The following INSRR variants were observed in gnomAD, a reference collection of about 807,000 sequenced individuals.
INSRR encodes insulin receptor-related protein.
INSRR carries 114 observed loss-of-function variants against 130.0 expected under a neutral mutation model. The observed-to-expected ratio is 0.88, with a 90% CI of 0.75 to 1.02. The LOEUF (loss-of-function observed/expected upper bound fraction) is 1.02. Among genes scored for constraint, INSRR ranks in the 50% least tolerant of loss-of-function variants. The pLI is 0.00. For synonymous variants in INSRR, 674 were observed against 705.2 expected (o/e 0.96, Z 0.70); for missense variants, 1,657 against 1,735.2 (o/e 0.95, Z 0.80).
chr1:156,854,441 G>A lies in INSRR; in HGVS notation c.86-138C>T. ...CGGGCTCTGCTCTGGGTGTGGGGTG[G>A]CCTCCTTCCTGGGCCCCGGAGGGCT... On this transcript the variant is annotated intron_variant, in intron 1 of 21. Coordinates refer to ENST00000368195, the MANE Select transcript of INSRR (RefSeq NM_014215.3). This position sits in a 1 kb window ranked among gnomAD's most constrained non-coding sequence, Gnocchi z 4.2. 2.1e-6 allele frequency: 2 copies of A among 950,236 alleles called. No homozygotes were observed. Among genetic ancestry groups the A allele is most frequent in the Non-Finnish European group, 3.1e-6 (2 of 654,084 alleles). The allele number at this position is 950,236 out of a possible 1,614,324, so 58.9% of individuals were successfully genotyped here. A position where few individuals can be genotyped will look rare whatever the true frequency, so the allele number is the denominator to read the frequency against.
chr1:156,854,209 C>G lies in INSRR; in HGVS notation c.180G>C (p.Met60Ile), dbSNP rs1450192805. 1.9e-6 allele frequency: 3 copies of G among 1,614,070 alleles called. No homozygotes were observed. The Admixed American group carries it at 5.0e-5, about 27-fold the overall frequency. Residue 60 changes from methionine (M) to isoleucine (I), a missense_variant, in exon 2 of 22, where the codon ATG becomes ATC. Coordinates refer to ENST00000368195, the MANE Select transcript of INSRR (RefSeq NM_014215.3). This position sits in a 1 kb window ranked among gnomAD's most constrained non-coding sequence, Gnocchi z 4.2. ...GGAAGTCCTCCCCGGTGGCTGTGAACATGAGCAGGATCTGCAGGTGGCCCT... is the reference window on the plus strand; with the variant it reads ...GGAAGTCCTCCCCGGTGGCTGTGAAGATGAGCAGGATCTGCAGGTGGCCCT... ...VVEGHLQILL[M>I]FTATGEDFRG...
chr1:156,840,984 G>A lies in INSRR; in HGVS notation c.3783C>T (p.Tyr1261=). The A allele has an allele frequency of 6.2e-7, 1 of 1,613,542 alleles. No individual in the cohort carries two copies. Among genetic ancestry groups the A allele is most frequent in the Non-Finnish European group, 8.5e-7 (1 of 1,179,798 alleles). ...CCCGGGCCCCCCGGCATTCCGGGCT[G>A]TAGTAGAAGGAGAGGAGGCGGAAGG... is the stretch of plus-strand genomic sequence containing the variant. ...RPSFRLLSFY[Y]SPECRGARGS... is the part of the protein sequence containing the mutation. Residue 1261 remains tyrosine, a synonymous_variant, in exon 22 of 22, where the codon TAC becomes TAT. Coordinates refer to ENST00000368195, the MANE Select transcript of INSRR (RefSeq NM_014215.3).
chr1:156,843,997 C>T (rs190611350), intron 15 of INSRR, among the ~76,000 whole-genome samples, 178 bp downstream of exon 15: 125 of 152,300 alleles, frequency 8.2e-4, no homozygotes, highest in Admixed American at 2.6e-3. Flanking sequence ...CCAGGCTAAC[C>T]GGGATGAGTT....
chr1:156,854,263 A>G lies in INSRR; in HGVS notation c.126T>C (p.Leu42=). 1 of 1,613,536 alleles carries G rather than the reference A, an allele frequency of 6.2e-7. No homozygotes were observed. The highest frequency in any genetic ancestry group is 8.5e-7 in the Non-Finnish European group (1 of 1,179,932). Residue 42 remains leucine (L), a synonymous_variant, in exon 2 of 22, where the codon CTT becomes CTC. Transcript: ENST00000368195. This position sits in a 1 kb window ranked among gnomAD's most constrained non-coding sequence, Gnocchi z 4.2. The part of the protein sequence containing the change: ...SLDIRSEVAE[L]RQLENCSVVE... ...CCACGCTGCAGTTCTCCAGCTGACGAAGCTCTGCCACCTCTGAGCGAATAT... is the reference window on the plus strand; with the variant it reads ...CCACGCTGCAGTTCTCCAGCTGACGGAGCTCTGCCACCTCTGAGCGAATAT...
intron 7 of INSRR, among the ~76,000 whole-genome samples, chr1:156,848,436 A>G (rs1655085715): frequency 6.6e-6 from 1 of 152,050 alleles, no homozygotes; most frequent in Non-Finnish European, 1.5e-5. Flanking sequence ...TGGTCTAACC[A>G]CTATCCTCAT....
Position 156,851,746 on chromosome 1 carries a change from G to A in INSRR, c.984C>T (p.Cys328=). The A allele has an allele frequency of 6.2e-7, 1 of 1,614,104 alleles. No homozygotes were observed. The highest frequency in any genetic ancestry group is 8.5e-7 in the Non-Finnish European group (1 of 1,179,974). The change falls in exon 4 of 22, where the codon TGC becomes TGT. Residue 328 remains cysteine (C), a synonymous_variant. Coordinates refer to ENST00000368195, the MANE Select transcript of INSRR (RefSeq NM_014215.3). ...HKCEGLCPKE[C]KVGTKTIDSI... ...AGTCGATGGTCTTGGTGCCTACCTTGCACTCTTTAGGGCACAGCCCCTCGC... is the reference window on the plus strand; with the variant it reads ...AGTCGATGGTCTTGGTGCCTACCTTACACTCTTTAGGGCACAGCCCCTCGC...
At chr1:156,841,987 G>T in intron 19 of INSRR, 125 bp downstream of exon 19, 3 of 1,557,052 alleles carry the variant, frequency 1.9e-6, no homozygotes, top group Non-Finnish European at 2.6e-6. Flanking sequence ...TAAGATACAG[G>T]GTGGGGGTGA....
chr1:156,851,527 C>T, intron 4 of INSRR, 93 bp from the exon 5 acceptor site: 1 of 1,603,118 alleles, frequency 6.2e-7, no homozygotes, highest in Non-Finnish European at 8.5e-7. Context: ...GAAGGTGGGC[C>T]CTCAGGACTG....
chr1:156,845,249 C>T lies in INSRR; in HGVS notation c.2264G>A (p.Gly755Asp), dbSNP rs1427546973. The T allele has an allele frequency of 6.2e-7, 1 of 1,610,804 alleles. No individual in the cohort carries two copies. Among genetic ancestry groups the T allele is most frequent in the Non-Finnish European group, 8.5e-7 (1 of 1,178,666 alleles). Residue 755 changes from glycine (G) to aspartate (D), a missense_variant, in exon 12 of 22, where the codon GGC (glycine) becomes GAC (aspartate). Physicochemically the swap from Gly to Asp is moderately conservative, Grantham distance 94. Coordinates refer to ENST00000368195, the MANE Select transcript of INSRR (RefSeq NM_014215.3). Reference protein sequence around the residue: ...RRAAGPLRLGGNSSDFEIQED... With the variant: ...RRAAGPLRLGDNSSDFEIQED... ...CTGGATCTCGAAATCCGAGCTGTTG[C>T]CCCCCAGCCGGAGGGGCCCAGCTGC... is the stretch of plus-strand genomic sequence containing the variant.
At position 156,851,594 on chromosome 1, in the gene INSRR, G is replaced by T. The variant is rs755096956; in HGVS notation, c.1084+52C>A. 69 of 1,612,980 alleles carry T rather than the reference G, an allele frequency of 4.3e-5. No individual in the cohort carries two copies. The South Asian group carries it at 7.6e-4, about 18-fold the overall frequency. Reference sequence around the variant, plus strand: ...TGGGTCATTGTAAGGGTTGTGTCTGGGAGGAAGGGTATGACCAGGAGGAGG... The same window carrying T: ...TGGGTCATTGTAAGGGTTGTGTCTGTGAGGAAGGGTATGACCAGGAGGAGG... On this transcript the variant is annotated intron_variant, in intron 4 of 21. Transcript: ENST00000368195.
At chr1:156,855,419 G>A (rs1384048603) in intron 1 of INSRR, among the ~76,000 whole-genome samples, 4 of 152,118 alleles carry the variant, frequency 2.6e-5, no homozygotes, top group African/African-American at 9.7e-5. Flanking sequence ...TGGCCAGGCT[G>A]GTCTCCAACT....
rs1558085402 is a variant in INSRR, at chr1:156,844,735, T to C, written c.2546A>G (p.Tyr849Cys). ...PPDPNGLILK[Y>C]EIKYRRLGEE... is the part of the protein sequence containing the mutation. ...TCCCAAGCGGCGGTACTTGATTTCG[T>C]ACTTGAGGATGAGTCCGTTGGGGTC... Residue 849 changes from tyrosine (Y) to cysteine (C), a missense_variant, in exon 13 of 22, where the codon TAC becomes TGC. Coordinates refer to ENST00000368195, the MANE Select transcript of INSRR (RefSeq NM_014215.3). 5.6e-6 allele frequency: 9 copies of C among 1,614,100 alleles called. No homozygotes were observed. Among genetic ancestry groups the C allele is most frequent in the Non-Finnish European group, 7.6e-6 (9 of 1,180,026 alleles).
rs763667728 is a variant in INSRR, at chr1:156,844,228, C to G, written c.2790G>C (p.Gly930=). Residue 930 remains glycine, a synonymous_variant, in exon 15 of 22, where the codon GGG becomes GGC. Coordinates refer to ENST00000368195, the MANE Select transcript of INSRR (RefSeq NM_014215.3). The part of the protein sequence containing the change: ...LHVLLTATPV[G]LTLLIVLAAL... ...CAGCAAGAACGATGAGCAGCGTGAG[C>G]CCCACAGGGGTGGCAGTGAGGAGGA... 2 of 1,613,884 alleles carry G rather than the reference C, an allele frequency of 1.2e-6. No homozygotes were observed. Among genetic ancestry groups the G allele is most frequent in the Non-Finnish European group, 8.5e-7 (1 of 1,179,936 alleles).
intron 7 of INSRR, among the ~76,000 whole-genome samples, chr1:156,847,945 T>C (rs1357964701): frequency 6.6e-6 from 1 of 152,106 alleles, no homozygotes; most frequent in Non-Finnish European, 1.5e-5. Flanking sequence ...AGATTCACAC[T>C]GTAGTCATGC....
intron 8 of INSRR, 117 bp downstream of exon 8, chr1:156,846,402 T>C: frequency 1.1e-6 from 1 of 879,356 alleles, no homozygotes; most frequent in Non-Finnish European, 1.8e-6. Context: ...CATCTGGCCT[T>C]CCAGCCTCTG....
chr1:156,855,740 G>A (rs1286773496), intron 1 of INSRR, among the ~76,000 whole-genome samples: 19 of 152,160 alleles, frequency 1.2e-4, no homozygotes, highest in African/African-American at 4.1e-4. Flanking sequence ...TGGGAGGATC[G>A]CTTGAGCCCA....
chr1:156,844,228 C>T lies in INSRR; in HGVS notation c.2790G>A (p.Gly930=), dbSNP rs763667728. ...LHVLLTATPV[G]LTLLIVLAAL... ...CAGCAAGAACGATGAGCAGCGTGAG[C>T]CCCACAGGGGTGGCAGTGAGGAGGA... The change falls in exon 15 of 22, where the codon GGG becomes GGA. Residue 930 remains glycine, a synonymous_variant. Coordinates refer to ENST00000368195, the MANE Select transcript of INSRR (RefSeq NM_014215.3). 6 of 1,613,766 alleles carry T rather than the reference C, an allele frequency of 3.7e-6. No individual in the cohort carries two copies. In the Admixed American group the frequency reaches 5.0e-5, roughly 13 times the overall value.
Position 156,845,998 on chromosome 1 carries a change from C to A in INSRR, c.1932G>T (p.Arg644=), listed in dbSNP as rs763632738. Residue 644 remains arginine (R), a synonymous_variant, in exon 9 of 22, where the codon CGG becomes CGT. Transcript: ENST00000368195. The part of the protein sequence containing the change: ...NLTYYLVLWQ[R]LAEDGDLYLN... ...GGTAGAGGTCGCCGTCCTCTGCCAGCCGCTGCCACAGCACCAGGTAGTAGG... is the reference window on the plus strand; with the variant it reads ...GGTAGAGGTCGCCGTCCTCTGCCAGACGCTGCCACAGCACCAGGTAGTAGG... 2.2e-5 allele frequency: 36 copies of A among 1,613,928 alleles called. No individual in the cohort carries two copies. Among genetic ancestry groups the A allele is most frequent in the Non-Finnish European group, 3.0e-5 (35 of 1,179,984 alleles).
At position 156,845,181 on chromosome 1, in the gene INSRR, G is replaced by T. The variant is rs751250792; in HGVS notation, c.2332C>A (p.Arg778Ser). 2 of 1,610,280 alleles carry T rather than the reference G, an allele frequency of 1.2e-6. No individual in the cohort carries two copies. Among genetic ancestry groups the T allele is most frequent in the South Asian group, 1.1e-5 (1 of 90,360 alleles). ...PRERAVLSGL[R>S]HFTEYRIDIH... ...TCGATCCGGTATTCCGTGAAGTGGCGCAGGCCGCTCAGCACCGCTCGCTCA... is the reference window on the plus strand; with the variant it reads ...TCGATCCGGTATTCCGTGAAGTGGCTCAGGCCGCTCAGCACCGCTCGCTCA... The change falls in exon 12 of 22, where the codon CGC becomes AGC. Residue 778 changes from arginine to serine, a missense_variant. Arg to Ser is a moderately radical substitution (Grantham distance 110). Coordinates refer to ENST00000368195, the MANE Select transcript of INSRR (RefSeq NM_014215.3).
Sources: allele counts gnomAD v4.1 joint callset (sites outside exome capture counted in the v4.1 genomes callset), GRCh38; gene constraint gnomAD v4.1.1; non-coding constraint Gnocchi (gnomAD v3.1); transcripts MANE v1.5; gene names NCBI Gene and HGNC (gene_info 2026-07-23, HGNC 2026-07-21).